The following TYRO3 variants were observed in gnomAD, a reference collection of about 807,000 sequenced individuals.
TYRO3 encodes the protein TYRO3 protein tyrosine kinase.
TYRO3 carries 38 observed loss-of-function variants against 95.2 expected under a neutral mutation model. The observed-to-expected ratio is 0.40, with a 90% CI of 0.31 to 0.52. The LOEUF (loss-of-function observed/expected upper bound fraction) is 0.52, where lower values mean the gene tolerates loss of function less well. TYRO3 is among the 20% of genes least tolerant of loss of function. TYRO3 has a pLI of 0.56. For missense variants in TYRO3, 812 were observed against 1,116.4 expected (o/e 0.73, Z 3.89); for synonymous variants, 367 against 432.9 (o/e 0.85, Z 1.89).
intron 16 of TYRO3, 39 bp downstream of exon 16, chr15:41,573,150 C>T: frequency 7.8e-7 from 1 of 1,283,648 alleles, no homozygotes; most frequent in South Asian, 1.3e-5. Context: ...GAGACAGCAG[C>T]AGGTGCCAAG....
intron 18 of TYRO3, among the ~76,000 whole-genome samples, chr15:41,576,321 G>A (rs151174946): frequency 0.022 from 3,304 of 151,838 alleles, 63 homozygotes; most frequent in Non-Finnish European, 0.03. Flanking sequence ...AGTCTCCTGA[G>A]TAGCTGGGAT....
At position 41,575,781 on chromosome 15, in the gene TYRO3, G is replaced by T. The variant is rs567577878; in HGVS notation, c.2282+1966G>T. Reference sequence around the variant, plus strand: ...CATTCCTTGGGCATCCTGAGTGATAGGCTTCAGGGAATTTATAAGGTTCCT... The same window carrying T: ...CATTCCTTGGGCATCCTGAGTGATATGCTTCAGGGAATTTATAAGGTTCCT... On this transcript the variant is annotated intron_variant, in intron 18 of 18. Coordinates refer to ENST00000263798, the MANE Select transcript of TYRO3 (RefSeq NM_006293.4). Among the ~76,000 whole-genome samples the T allele has an allele frequency of 3.3e-5, 5 of 152,290 alleles. No homozygotes were observed. The East Asian group carries it at 9.7e-4, about 29-fold the overall frequency.
chr15:41,562,456 G>T, intron 3 of TYRO3, 92 bp from the exon 4 acceptor site: 2 of 1,310,930 alleles, frequency 1.5e-6, no homozygotes, highest in South Asian at 1.5e-5. Flanking sequence ...AACCTTCTGC[G>T]TGGAGGACTT....
intron 1 of TYRO3, among the ~76,000 whole-genome samples, chr15:41,560,414 TGTGTGTGTGTGTGTGCGCGC>T: frequency 7.0e-6 from 1 of 143,436 alleles, no homozygotes; most frequent in East Asian, 2.0e-4. Context: ...TGTGTGTGTG[TGTGTGTGTGTGTGTGCGCGC>T]GCGCGCGCGC....
chr15:41,569,010 C>T lies in TYRO3; in HGVS notation c.1240C>T (p.His414Tyr). ...GAGTCAGCCACTGGTGGTCTCTTCT[C>T]ATGACCGTGCAGGTGAGGCTTGTAG... ...PWSQPLVVSSHDRAGQQGPPH... is the reference protein window; with the variant it reads ...PWSQPLVVSSYDRAGQQGPPH... The change falls in exon 9 of 19, where the codon CAT (histidine) becomes TAT (tyrosine). Residue 414 changes from histidine (H) to tyrosine (Y), a missense_variant. His to Tyr is a moderately conservative substitution (Grantham distance 83). Coordinates refer to ENST00000263798, the MANE Select transcript of TYRO3 (RefSeq NM_006293.4). 1.2e-6 allele frequency: 2 copies of T among 1,614,042 alleles called. No individual in the cohort carries two copies. The highest frequency in any genetic ancestry group is 2.2e-5 in the South Asian group (2 of 91,080).
chr15:41,562,900 G>A (rs2055676323), intron 4 of TYRO3, among the ~76,000 whole-genome samples, 182 bp downstream of exon 4: 1 of 152,200 alleles, frequency 6.6e-6, no homozygotes, highest in African/African-American at 2.4e-5. Context: ...TGGCTGGGTG[G>A]GCTGATTAGT....
In TYRO3 at chr15:41,581,827, C is replaced by CA. The variant is rs147411360; in HGVS notation, c.*3571dup. 0.37 allele frequency: 25,756 copies of CA among 69,692 alleles called. 5,097 individuals carry two copies. The highest frequency in any genetic ancestry group is 0.42 in the Admixed American group (2,262 of 5,326). 4.3% of individuals were successfully genotyped at this position (69,692 alleles called of 1,614,324 possible). On this transcript the variant is annotated 3_prime_UTR_variant, in exon 19 of 19. Coordinates refer to ENST00000263798, the MANE Select transcript of TYRO3 (RefSeq NM_006293.4). Reference sequence around the variant, plus strand: ...TGGGTGACAGAGCGAGACTCCATCTCAAAAAAAAAAAAAAAAAAAAGAGGC... The same window carrying CA: ...TGGGTGACAGAGCGAGACTCCATCTCAAAAAAAAAAAAAAAAAAAAAGAGGC...
intron 4 of TYRO3, among the ~76,000 whole-genome samples, chr15:41,563,379 T>C (rs1242834036): frequency 6.6e-6 from 1 of 152,118 alleles, no homozygotes; most frequent in Non-Finnish European, 1.5e-5. Flanking sequence ...GAGGCTTGAA[T>C]TGGGCAAAAA....
chr15:41,566,929 G>A (rs962635026), intron 6 of TYRO3, among the ~76,000 whole-genome samples: 19 of 152,180 alleles, frequency 1.2e-4, no homozygotes, highest in African/African-American at 4.3e-4. Flanking sequence ...TGAAGGGCTG[G>A]TTCATAGTGC....
chr15:41,569,281 G>A (rs1177866489), intron 9 of TYRO3, among the ~76,000 whole-genome samples: 2 of 139,334 alleles, frequency 1.4e-5, no homozygotes, highest in Non-Finnish European at 3.1e-5. Flanking sequence ...GCAAGACTCT[G>A]TCTCTACAAA....
intron 4 of TYRO3, among the ~76,000 whole-genome samples, chr15:41,563,481 A>C (rs1284981769): frequency 1.3e-5 from 2 of 152,136 alleles, no homozygotes; most frequent in Non-Finnish European, 2.9e-5. Context: ...TCTTGACAAG[A>C]GGTGGACTAT....
rs757633718 is a variant in TYRO3 at position 41,562,711 on chromosome 15, T to C, written c.573T>C (p.Asn191=). 1.1e-5 allele frequency: 17 copies of C among 1,611,416 alleles called. No individual in the cohort carries two copies. The highest frequency in any genetic ancestry group is 1.3e-5 in the Non-Finnish European group (15 of 1,178,754). ...CCGCTCCCTCTCCATCTGTTTTAAATGTAACAGGTGAGCAGCCTCAGAAGG... is the reference window on the plus strand; with the variant it reads ...CCGCTCCCTCTCCATCTGTTTTAAACGTAACAGGTGAGCAGCCTCAGAAGG... The part of the protein sequence containing the change: ...GGPAPSPSVL[N]VTGVTQSTMF... Residue 191 remains asparagine (N), a synonymous_variant, in exon 4 of 19, where the codon AAT becomes AAC. Transcript: ENST00000263798.
intron 1 of TYRO3, among the ~76,000 whole-genome samples, chr15:41,560,368 CCAGGAGGCCAGGAGAGGTG>C (rs1424933770): frequency 1.4e-5 from 2 of 147,890 alleles, no homozygotes; most frequent in Non-Finnish European, 3.0e-5. Context: ...TAAAAACATG[CCAGGAGGCCAGGAGAGGTG>C]CGTGTATGTG....
chr15:41,578,089 G>T lies in TYRO3; in HGVS notation c.2486G>T (p.Ser829Ile). Reference protein sequence around the residue: ...LELPGRDQPYSGAGDGSGMGA... With the variant: ...LELPGRDQPYIGAGDGSGMGA... ...CTACCTGGCAGGGATCAGCCCTACAGTGGGGCTGGGGATGGCAGTGGCATG... is the reference window on the plus strand; with the variant it reads ...CTACCTGGCAGGGATCAGCCCTACATTGGGGCTGGGGATGGCAGTGGCATG... Residue 829 changes from serine to isoleucine, a missense_variant, in exon 19 of 19, where the codon AGT (serine) becomes ATT (isoleucine). Physicochemically the swap from Ser to Ile is moderately radical, Grantham distance 142. Coordinates refer to ENST00000263798, the MANE Select transcript of TYRO3 (RefSeq NM_006293.4). The T allele has an allele frequency of 6.2e-7, 1 of 1,614,076 alleles. No individual in the cohort carries two copies. Among genetic ancestry groups the T allele is most frequent in the Non-Finnish European group, 8.5e-7 (1 of 1,180,034 alleles).
At chr15:41,567,585 A>AG in intron 7 of TYRO3, 48 bp downstream of exon 7, 1 of 1,406,484 alleles carries the variant, frequency 7.1e-7, no homozygotes, top group Non-Finnish European at 9.3e-7. Flanking sequence ...GGAGCCGGGA[A>AG]GGGGGCCGTG....
At chr15:41,572,626 C>G (rs1374554128) in intron 15 of TYRO3, 62 bp downstream of exon 15, 1 of 1,418,932 alleles carries the variant, frequency 7.0e-7, no homozygotes, top group African/African-American at 1.4e-5. Context: ...CCTGGAAAGG[C>G]ATAGAGACCC....
At chr15:41,561,041 G>A (rs2140816319) in intron 1 of TYRO3, 86 bp from the exon 2 acceptor site, 1 of 1,534,106 alleles carries the variant, frequency 6.5e-7, no homozygotes, top group South Asian at 1.1e-5. Context: ...GTCTGACACA[G>A]AAGCTACCTT....
In TYRO3 at chr15:41,574,010, C is replaced by A. The variant is rs116234679; in HGVS notation, c.2282+195C>A. On this transcript the variant is annotated intron_variant, in intron 18 of 18. Coordinates refer to ENST00000263798, the MANE Select transcript of TYRO3 (RefSeq NM_006293.4). ...TTTCTTTCTTTCCCCCTTTCCCATC[C>A]CAGATTTCTTGCTTTAGCCTTTGTC... Among the ~76,000 whole-genome samples the A allele has an allele frequency of 1.4e-3, 211 of 152,306 alleles. 1 individual carries two copies. The highest frequency in any genetic ancestry group is 4.9e-3 in the African/African-American group (202 of 41,568).
rs1004484872 is a variant in TYRO3, at chr15:41,580,014, C to T, written c.*1738C>T. 1 of 152,090 alleles carries T rather than the reference C, an allele frequency of 6.6e-6. No homozygotes were observed. The highest frequency in any genetic ancestry group is 2.4e-5 in the African/African-American group (1 of 41,402). The allele number at this position is 152,090 out of a possible 1,614,324, so 9.4% of individuals were successfully genotyped here. On this transcript the variant is annotated 3_prime_UTR_variant, in exon 19 of 19. Coordinates refer to ENST00000263798, the MANE Select transcript of TYRO3 (RefSeq NM_006293.4). Reference sequence around the variant, plus strand: ...CCTCGTGATCCGCCTGCCTCAGCCTCCCAAAGTGTTGGGATTACAGGCGTG... The same window carrying T: ...CCTCGTGATCCGCCTGCCTCAGCCTTCCAAAGTGTTGGGATTACAGGCGTG...
Sources: gnomAD v4.1 joint callset for allele counts (sites outside exome capture counted in the v4.1 genomes callset) on GRCh38, gnomAD v4.1.1 for gene constraint, MANE v1.5 for transcripts, NCBI Gene and HGNC (gene_info 2026-07-23, HGNC 2026-07-21) for gene names.